DNAJC1: variants seen among roughly 807,000 people sequenced by gnomAD.
DNAJC1 encodes the protein DnaJ heat shock protein family (Hsp40) member C1.
DNAJC1 carries 58 observed loss-of-function variants against 76.6 expected under a neutral mutation model. That is an observed-to-expected ratio of 0.76 (90% CI 0.61 to 0.94). The LOEUF (loss-of-function observed/expected upper bound fraction) is 0.94, where lower values mean the gene tolerates loss of function less well. Ranked by LOEUF, DNAJC1 falls within the 40% of genes least tolerant of loss-of-function variation. DNAJC1 has a pLI of 0.00. For missense variants in DNAJC1, 689 were observed against 677.3 expected, an observed-to-expected ratio of 1.02 and a Z score of -0.19; for synonymous variants, 258 against 267.9, an observed-to-expected ratio of 0.96 and a Z score of 0.36.
chr10:21,768,135 AT>A (rs1020986416), intron 9 of DNAJC1, among the ~76,000 whole-genome samples: 1 of 152,124 alleles, frequency 6.6e-6, no homozygotes, highest in Admixed American at 6.5e-5. Flanking sequence ...AAAGTTATTA[AT>A]TTTTTTCAAA....
chr10:21,862,437 T>G (rs977086255), intron 8 of DNAJC1, among the ~76,000 whole-genome samples: 2 of 151,264 alleles, frequency 1.3e-5, no homozygotes, highest in Non-Finnish European at 3.0e-5. Flanking sequence ...ATTTTTTTTT[T>G]TTTTTTTTTG....
intron 1 of DNAJC1, among the ~76,000 whole-genome samples, chr10:21,996,049 T>G (rs1350101581): frequency 6.6e-6 from 1 of 152,210 alleles, no homozygotes. Flanking sequence ...TTAAGTGTTT[T>G]GATGAAAATA....
chr10:21,891,476 CAA>C (rs369729722), intron 7 of DNAJC1, among the ~76,000 whole-genome samples: 5 of 38,858 alleles, frequency 1.3e-4, no homozygotes, highest in Non-Finnish European at 2.0e-4. Context: ...ACAAAGTAGA[CAA>C]AAAAAAAAAA....
chr10:22,002,825 G>A (rs1266848860), intron 1 of DNAJC1, among the ~76,000 whole-genome samples: 1 of 151,626 alleles, frequency 6.6e-6, no homozygotes, highest in African/African-American at 2.4e-5. Context: ...CTCACATTCA[G>A]GGGGACAGGA....
rs1260338980 is a variant in DNAJC1 at position 21,759,191 on chromosome 10, T to A, written c.1575A>T (p.Arg525Ser). 2 of 1,613,930 alleles carry A rather than the reference T, an allele frequency of 1.2e-6. No homozygotes were observed. The highest frequency in any genetic ancestry group is 2.7e-5 in the African/African-American group (2 of 74,908). Residue 525 changes from arginine (R) to serine (S), a missense_variant, in exon 11 of 12, where the codon AGA becomes AGT. Physicochemically the swap from Arg to Ser is moderately radical, Grantham distance 110. Transcript: ENST00000376980. ...TCACCTTGCTCTTGGACGGGACACATCTGGCTATTTTGTCCCAGCGGTCAG... is the reference window on the plus strand; with the variant it reads ...TCACCTTGCTCTTGGACGGGACACAACTGGCTATTTTGTCCCAGCGGTCAG... ...GSSDRWDKIARCVPSKSKEDC... is the reference protein window; with the variant it reads ...GSSDRWDKIASCVPSKSKEDC...
intron 9 of DNAJC1, among the ~76,000 whole-genome samples, chr10:21,769,757 G>GC (rs919943393): frequency 2.0e-5 from 3 of 152,006 alleles, no homozygotes; most frequent in Non-Finnish European, 4.4e-5. Flanking sequence ...AGCGATTCCA[G>GC]CTCACTACAA....
In DNAJC1 at chr10:21,920,974, A is replaced by G; in HGVS notation, c.372-11T>C. 1 of 1,532,676 alleles carries G rather than the reference A, an allele frequency of 6.5e-7. No homozygotes were observed. The highest frequency in any genetic ancestry group is 8.8e-7 in the Non-Finnish European group (1 of 1,136,300). 94.9% of individuals were successfully genotyped at this position (1,532,676 alleles called of 1,614,324 possible). A position where few individuals can be genotyped will look rare whatever the true frequency, so the allele number is the denominator to read the frequency against. On this transcript the variant is annotated splice_polypyrimidine_tract_variant and intron_variant, in intron 3 of 11. Transcript: ENST00000376980. The stretch of plus-strand genomic sequence containing the variant: ...AGAATATCATCATACCTACAGTACA[A>G]ATATAACAGTTTTTCACGGGGAGTT...
chr10:21,857,512 G>A (rs1038234407), intron 8 of DNAJC1, among the ~76,000 whole-genome samples: 25 of 152,002 alleles, frequency 1.6e-4, no homozygotes, highest in Non-Finnish European at 2.9e-4. Context: ...TTAATATACT[G>A]GGGTTCTATG....
intron 8 of DNAJC1, among the ~76,000 whole-genome samples, chr10:21,812,478 T>G (rs1285162041): frequency 1.3e-5 from 2 of 152,230 alleles, no homozygotes; most frequent in Admixed American, 1.3e-4. Context: ...TTTTAAGATT[T>G]TTTTATATTT....
intron 6 of DNAJC1, among the ~76,000 whole-genome samples, chr10:21,910,358 G>A (rs932280535): frequency 2.6e-5 from 4 of 151,996 alleles, no homozygotes; most frequent in East Asian, 3.9e-4. Flanking sequence ...CTGGTGATCC[G>A]CCCACCTTGG....
intron 9 of DNAJC1, among the ~76,000 whole-genome samples, chr10:21,794,986 A>G (rs1177438269): frequency 1.3e-5 from 2 of 152,154 alleles, no homozygotes; most frequent in African/African-American, 2.4e-5. Context: ...AAATGTTCCA[A>G]TAAGTATTTC....
chr10:21,992,503 A>C (rs560686843), intron 1 of DNAJC1, among the ~76,000 whole-genome samples: 9 of 152,178 alleles, frequency 5.9e-5, no homozygotes, highest in African/African-American at 2.2e-4. Context: ...CAGTGAGCAG[A>C]GATTGTGCCA....
chr10:21,771,816 T>G (rs891801472), intron 9 of DNAJC1, among the ~76,000 whole-genome samples: 1 of 152,192 alleles, frequency 6.6e-6, no homozygotes, highest in Non-Finnish European at 1.5e-5. Flanking sequence ...TCTCTTGAGA[T>G]GATCGTGTGA....
intron 1 of DNAJC1, among the ~76,000 whole-genome samples, chr10:21,952,873 T>C (rs1178905821): frequency 6.6e-6 from 1 of 152,148 alleles, no homozygotes; most frequent in Admixed American, 6.5e-5. Context: ...GAAGGCCAGC[T>C]GGGAAAAATC....
intron 1 of DNAJC1, among the ~76,000 whole-genome samples, chr10:21,949,321 A>G (rs1238452578): frequency 1.3e-5 from 2 of 151,750 alleles, no homozygotes. Flanking sequence ...CATTTCCAGA[A>G]CTAGAGTTAT....
At chr10:21,819,131 G>A (rs764763658) in intron 8 of DNAJC1, among the ~76,000 whole-genome samples, 9 of 152,126 alleles carry the variant, frequency 5.9e-5, no homozygotes, top group African/African-American at 9.7e-5. Flanking sequence ...GGCCAGGCGC[G>A]GTGGCTCATG....
chr10:22,001,466 A>T (rs1838517329), intron 1 of DNAJC1, among the ~76,000 whole-genome samples: 1 of 152,092 alleles, frequency 6.6e-6, no homozygotes, highest in Non-Finnish European at 1.5e-5. Context: ...GGTTAAAACA[A>T]TTTTCTGGAT....
intron 1 of DNAJC1, among the ~76,000 whole-genome samples, chr10:22,001,594 T>C (rs1002784926): frequency 6.6e-6 from 1 of 152,228 alleles, no homozygotes; most frequent in African/African-American, 2.4e-5. Context: ...TAATTAACTA[T>C]GCAAATCAAG....
chr10:21,834,157 G>A (rs1327076466), intron 8 of DNAJC1, among the ~76,000 whole-genome samples: 4 of 152,112 alleles, frequency 2.6e-5, no homozygotes, highest in Admixed American at 6.5e-5. Context: ...CCAGCTACTC[G>A]GGAGGCTGAG....
Sources: gnomAD v4.1 joint callset for allele counts (sites outside exome capture counted in the v4.1 genomes callset) on GRCh38, gnomAD v4.1.1 for gene constraint, MANE v1.5 for transcripts, NCBI Gene and HGNC (gene_info 2026-07-23, HGNC 2026-07-21) for gene names.